The following NAA35 variants were observed in gnomAD, a reference collection of about 807,000 sequenced individuals.
NAA35 encodes MAK10 homolog, amino-acid N-acetyltransferase subunit.
A neutral mutation model predicts 101.7 loss-of-function variants in NAA35; 18 were observed. The observed-to-expected ratio is 0.18, with a 90% CI of 0.12 to 0.26. The LOEUF (loss-of-function observed/expected upper bound fraction) is 0.26, where lower values mean the gene tolerates loss of function less well. NAA35 is among the 10% of genes least tolerant of loss of function. The pLI, the probability that NAA35 is intolerant of heterozygous loss-of-function variation, is 1.00. For synonymous variants in NAA35, 267 were observed against 273.1 expected (o/e 0.98, Z 0.22); for missense variants, 601 against 886.8 (o/e 0.68, Z 4.09).
chr9:85,963,759 G>A (rs183999146), intron 6 of NAA35, among the ~76,000 whole-genome samples: 1 of 152,146 alleles, frequency 6.6e-6, no homozygotes, highest in South Asian at 2.1e-4. Context: ...CAACTAAAAG[G>A]CCATCAAAAT....
intron 11 of NAA35, among the ~76,000 whole-genome samples, chr9:85,980,142 G>A (rs1830373794): frequency 6.6e-6 from 1 of 152,194 alleles, no homozygotes; most frequent in South Asian, 2.1e-4. Flanking sequence ...GAAATGCATA[G>A]GGTGAAGTAT....
chr9:85,991,433 A>C (rs1830908021), intron 11 of NAA35, among the ~76,000 whole-genome samples: 1 of 152,138 alleles, frequency 6.6e-6, no homozygotes, highest in African/African-American at 2.4e-5. Flanking sequence ...AAGGTTTCCC[A>C]GGTATGGGGT....
intron 12 of NAA35, among the ~76,000 whole-genome samples, chr9:85,998,651 C>T (rs780239032): frequency 1.3e-5 from 2 of 151,954 alleles, no homozygotes; most frequent in African/African-American, 4.8e-5. Flanking sequence ...GTTTTTCTCT[C>T]CTGTACCCAC....
At chr9:85,981,295 G>A (rs1319737185) in intron 11 of NAA35, among the ~76,000 whole-genome samples, 1 of 152,106 alleles carries the variant, frequency 6.6e-6, no homozygotes, top group Non-Finnish European at 1.5e-5. Flanking sequence ...GAAATGCTTT[G>A]AAATCTACAG....
At chr9:86,018,233 T>A (rs1564330088) in intron 19 of NAA35, 22 bp from the exon 20 acceptor site, 4 of 1,596,546 alleles carry the variant, frequency 2.5e-6, no homozygotes, top group Non-Finnish European at 3.4e-6. Context: ...TCATCTTTTT[T>A]CTTATTCCCT....
At chr9:85,986,417 T>C in intron 11 of NAA35, 1 of 470,136 alleles carries the variant, frequency 2.1e-6, no homozygotes. Flanking sequence ...TTGTATGTGG[T>C]TACAGTGCTA....
In NAA35 at chr9:86,023,145, A is replaced by G. The variant is rs917282798; in HGVS notation, c.*1185A>G. ...GTTCCTGTTGCCCCTCTTTGCAGCT[A>G]ATGAGCCCTCTTGGCTCTCCTTTCC... On this transcript the variant is annotated 3_prime_UTR_variant, in exon 23 of 23. Transcript: ENST00000361671. Among the ~76,000 whole-genome samples, 2 of 152,186 alleles carry G rather than the reference A, an allele frequency of 1.3e-5. No individual in the cohort carries two copies. The highest frequency in any genetic ancestry group is 2.4e-5 in the African/African-American group (1 of 41,448).
Position 86,017,408 on chromosome 9 carries a change from A to T in NAA35, c.1706-90A>T, listed in dbSNP as rs368034889. 5.7e-5 allele frequency: 69 copies of T among 1,201,596 alleles called. No individual in the cohort carries two copies. The East Asian group carries it at 1.5e-3, about 27-fold the overall frequency. The allele number at this position is 1,201,596 out of a possible 1,614,324, so 74.4% of individuals were successfully genotyped here. A position where few individuals can be genotyped will look rare whatever the true frequency, so the allele number is the denominator to read the frequency against. ...GTTTTAATTTAGTATACAAGCTGAAAGATTTTTTAAAATTAGATTTTCTTT... is the reference window on the plus strand; with the variant it reads ...GTTTTAATTTAGTATACAAGCTGAATGATTTTTTAAAATTAGATTTTCTTT... On this transcript the variant is annotated intron_variant, in intron 18 of 22. Transcript: ENST00000361671.
At chr9:86,021,495 C>T (rs1832552890) in intron 22 of NAA35, among the ~76,000 whole-genome samples, 4 of 152,170 alleles carry the variant, frequency 2.6e-5, no homozygotes, top group African/African-American at 9.7e-5. Context: ...TCCATTGTTT[C>T]CTGTGATCTG....
chr9:85,983,803 T>C (rs1830536211), intron 11 of NAA35, among the ~76,000 whole-genome samples: 2 of 151,832 alleles, frequency 1.3e-5, no homozygotes, highest in South Asian at 2.1e-4. Flanking sequence ...ATCCCAGAAC[T>C]TAAAATAGAA....
chr9:85,976,276 C>T (rs772974110), intron 8 of NAA35, among the ~76,000 whole-genome samples: 6 of 152,128 alleles, frequency 3.9e-5, no homozygotes, highest in Non-Finnish European at 8.8e-5. Context: ...TAAAATGGAT[C>T]GGTATTGACC....
In NAA35 at chr9:86,009,603, C is replaced by T. The variant is rs540301085; in HGVS notation, c.1224-262C>T. 2.6e-5 allele frequency among the ~76,000 whole-genome samples: 4 copies of T among 152,230 alleles called. No individual in the cohort carries two copies. The East Asian group carries it at 7.7e-4, about 29-fold the overall frequency. ...TAGAGCTTTAGACTTTTCCTTTTCT[C>T]TTTGCTAATTTGATCTTACTGGATC... On this transcript the variant is annotated intron_variant, in intron 14 of 22. Coordinates refer to ENST00000361671, the MANE Select transcript of NAA35 (RefSeq NM_024635.4).
chr9:85,946,836 G>A (rs569307974), intron 2 of NAA35, among the ~76,000 whole-genome samples: 1 of 152,152 alleles, frequency 6.6e-6, no homozygotes, highest in Admixed American at 6.5e-5. Flanking sequence ...AGCACCATTG[G>A]TTAAGGCCTT....
At chr9:86,000,546 T>C (rs1831380635) in intron 12 of NAA35, among the ~76,000 whole-genome samples, 1 of 151,712 alleles carries the variant, frequency 6.6e-6, no homozygotes, top group South Asian at 2.1e-4. Context: ...TTTTGGTTGG[T>C]AGGTTATTTA....
At chr9:86,000,543 T>G (rs998782718) in intron 12 of NAA35, among the ~76,000 whole-genome samples, 2 of 152,020 alleles carry the variant, frequency 1.3e-5, no homozygotes, top group African/African-American at 4.8e-5. Context: ...TTTTTTTGGT[T>G]GGTAGGTTAT....
At position 86,007,339 on chromosome 9, in the gene NAA35, A is replaced by G; in HGVS notation, c.1117-19A>G. On this transcript the variant is annotated intron_variant, in intron 13 of 22. Coordinates refer to ENST00000361671, the MANE Select transcript of NAA35 (RefSeq NM_024635.4). Reference sequence around the variant, plus strand: ...TTCTGTGCGTGACACCGTAACTAATATATAACATTTGTTTTAAGACCACTT... The same window carrying G: ...TTCTGTGCGTGACACCGTAACTAATGTATAACATTTGTTTTAAGACCACTT... 2 of 1,546,388 alleles carry G rather than the reference A, an allele frequency of 1.3e-6. No homozygotes were observed. Among genetic ancestry groups the G allele is most frequent in the Non-Finnish European group, 8.9e-7 (1 of 1,119,030 alleles).
chr9:85,961,815 T>A (rs1453611424), intron 5 of NAA35, among the ~76,000 whole-genome samples, 198 bp from the exon 6 acceptor site: 1 of 152,198 alleles, frequency 6.6e-6, no homozygotes, highest in Non-Finnish European at 1.5e-5. Flanking sequence ...GCAAACTGAT[T>A]GATGTACGAC....
At chr9:85,944,624 C>T (rs1237834497) in intron 2 of NAA35, among the ~76,000 whole-genome samples, 1 of 152,240 alleles carries the variant, frequency 6.6e-6, no homozygotes, top group Non-Finnish European at 1.5e-5. Context: ...TCACCCTTTC[C>T]TTCCCAGATC....
intron 12 of NAA35, among the ~76,000 whole-genome samples, chr9:85,996,947 T>C (rs924802130): frequency 5.9e-5 from 9 of 151,890 alleles, no homozygotes; most frequent in Admixed American, 4.6e-4. Context: ...AAACTCTTTT[T>C]TTTTTTTAAT....
Sources: gnomAD v4.1 joint callset for allele counts (sites outside exome capture counted in the v4.1 genomes callset) on GRCh38, gnomAD v4.1.1 for gene constraint, MANE v1.5 for transcripts, NCBI Gene and HGNC (gene_info 2026-07-23, HGNC 2026-07-21) for gene names.